AOX1: variants seen among roughly 807,000 people sequenced by gnomAD.
AOX1 encodes aldehyde oxidase 1, also known as aldehyde oxidase.
In AOX1, 153 loss-of-function variants were observed where a neutral mutation model predicts 169.5. That is an observed-to-expected ratio of 0.90 (90% confidence interval 0.79 to 1.03). The LOEUF is 1.03. Among genes scored for constraint, AOX1 ranks in the 50% least tolerant of loss-of-function variants. The probability of loss-of-function intolerance (pLI) is 0.00; values close to 1 mark genes in which losing one functional copy is unlikely to be tolerated. For synonymous variants in AOX1, 562 were observed against 581.9 expected, an observed-to-expected ratio of 0.97 and a Z score of 0.49; for missense variants, 1,656 against 1,663.9, an observed-to-expected ratio of 1.00 and a Z score of 0.08.
intron 27 of AOX1, 127 bp from the exon 28 acceptor site, chr2:200,659,038 T>G: frequency 1.3e-6 from 1 of 794,536 alleles, no homozygotes. Context: ...GCTGGAGGAA[T>G]TTGTGGTTCT....
intron 26 of AOX1, among the ~76,000 whole-genome samples, chr2:200,651,443 G>A (rs1161360608): frequency 2.6e-5 from 4 of 152,184 alleles, no homozygotes; most frequent in Non-Finnish European, 5.9e-5. Context: ...TTGGGAGACT[G>A]AGGTTTACTC....
rs778760266 is a variant in AOX1 at position 200,593,233 on chromosome 2, G to A, written c.103+30G>A. On this transcript the variant is annotated intron_variant, in intron 2 of 34. Transcript: ENST00000374700. ...CCTTTTCTTTACTTTGACTGTGTAT[G>A]TGTGTGTGTATTTGTATAACTCCAA... 12 of 1,540,520 alleles carry A rather than the reference G, an allele frequency of 7.8e-6. No homozygotes were observed. The South Asian group carries it at 1.2e-4, about 16-fold the overall frequency.
Position 200,623,497 on chromosome 2 carries a change from G to A in AOX1, c.2002-364G>A, listed in dbSNP as rs568903914. ...TGTGACTTCCTGGTCCTCCCTGTCC[G>A]TGCAGGCAGAGGCTGCCTCTCTCAG... On this transcript the variant is annotated intron_variant, in intron 18 of 34. Coordinates refer to ENST00000374700, the MANE Select transcript of AOX1 (RefSeq NM_001159.4). 7.9e-5 allele frequency among the ~76,000 whole-genome samples: 12 copies of A among 152,316 alleles called. No homozygotes were observed. The East Asian group carries it at 1.2e-3, about 15-fold the overall frequency.
intron 20 of AOX1, among the ~76,000 whole-genome samples, chr2:200,632,480 A>T (rs1574938245): frequency 6.6e-6 from 1 of 152,110 alleles, no homozygotes; most frequent in South Asian, 2.1e-4. Flanking sequence ...TTTATTCTAC[A>T]TACATTGATA....
intron 24 of AOX1, 132 bp from the exon 25 acceptor site, chr2:200,642,478 C>A: frequency 1.7e-6 from 1 of 596,284 alleles, no homozygotes; most frequent in Non-Finnish European, 2.8e-6. Flanking sequence ...TAATTGGGGG[C>A]ATGGGAATAT....
intron 25 of AOX1, among the ~76,000 whole-genome samples, chr2:200,645,974 C>T (rs11677071): frequency 0.027 from 4,087 of 152,086 alleles, 83 homozygotes; most frequent in African/African-American, 0.037. Flanking sequence ...TCTTAATCTT[C>T]CTAACGGTCT....
downstream of AOX1, among the ~76,000 whole-genome samples, chr2:200,672,210 G>A (rs2036039828): frequency 6.6e-6 from 1 of 152,178 alleles, no homozygotes; most frequent in Admixed American, 6.5e-5. Context: ...AATGAGTGGT[G>A]ATAATTTTAC....
At chr2:200,614,827 A>G (rs2034718145) in intron 15 of AOX1, among the ~76,000 whole-genome samples, 1 of 152,188 alleles carries the variant, frequency 6.6e-6, no homozygotes. Context: ...TCACATTATT[A>G]AGAATGAAAA....
chr2:200,677,503 AC>A (rs1221424116), downstream of AOX1, among the ~76,000 whole-genome samples: 2 of 152,156 alleles, frequency 1.3e-5, no homozygotes, highest in African/African-American at 2.4e-5. Context: ...ACACACAAAC[AC>A]ATACGAATTA....
chr2:200,669,078 G>C (rs907636041), intron 33 of AOX1, among the ~76,000 whole-genome samples: 1 of 152,118 alleles, frequency 6.6e-6, no homozygotes, highest in African/African-American at 2.4e-5. Flanking sequence ...TCTGTATGTA[G>C]GTCATTTCCT....
intron 5 of AOX1, among the ~76,000 whole-genome samples, chr2:200,601,125 C>A (rs1355942706): frequency 1.1e-5 from 1 of 88,002 alleles, no homozygotes. Context: ...GGGGTTTTTT[C>A]CTTAGAAAAA....
rs143058314 is a variant in AOX1, at chr2:200,637,121, C to T, written c.2480+77C>T. 969 of 1,555,978 alleles carry T rather than the reference C, an allele frequency of 6.2e-4. 9 individuals are homozygous for T. In the South Asian group the frequency reaches 9.2e-3, roughly 15 times the overall value. On this transcript the variant is annotated intron_variant, in intron 22 of 34. Transcript: ENST00000374700. The stretch of plus-strand genomic sequence containing the variant: ...CACTGTCAGAATCAATGAGGAAGAA[C>T]CTGGGCCAAGATTATTTAATATCAC...
At chr2:200,592,171 A>G (rs1164124955) in intron 1 of AOX1, among the ~76,000 whole-genome samples, 1 of 152,226 alleles carries the variant, frequency 6.6e-6, no homozygotes, top group Non-Finnish European at 1.5e-5. Flanking sequence ...ACACACACAC[A>G]AACAGACACA....
In AOX1 at chr2:200,668,666, AATT is replaced by A. The variant is rs1559263897; in HGVS notation, c.3665_3667del (p.Tyr1222del). Reference sequence around the variant, plus strand: ...GGGACTTTATACAATAGAGGAACTGAATTATTCTCCCCAGGGCATTCTGCACAC... The same window carrying A: ...GGGACTTTATACAATAGAGGAACTGAATTCTCCCCAGGGCATTCTGCACAC... On this transcript the variant is annotated inframe_deletion, in exon 33 of 35. Transcript: ENST00000374700. 8.1e-6 allele frequency: 13 copies of A among 1,614,152 alleles called. No individual in the cohort carries two copies. The highest frequency in any genetic ancestry group is 1.0e-5 in the Non-Finnish European group (12 of 1,180,022).
At chr2:200,642,419 G>A (rs1227027971) in intron 24 of AOX1, among the ~76,000 whole-genome samples, 191 bp from the exon 25 acceptor site, 1 of 151,698 alleles carries the variant, frequency 6.6e-6, no homozygotes, top group Non-Finnish European at 1.5e-5. Flanking sequence ...GCTCTCAAAG[G>A]AAAAATTATT....
chr2:200,661,581 A>G lies in AOX1; in HGVS notation c.3378A>G (p.Ala1126=), dbSNP rs2035829600. The change falls in exon 30 of 35, where the codon GCA becomes GCG. Residue 1126 remains alanine, a splice_region_variant and synonymous_variant. Coordinates refer to ENST00000374700, the MANE Select transcript of AOX1 (RefSeq NM_001159.4). ...CATGCTATGCTCTTCCTTCACAGGC[A>G]CAGACTGCTTTTGATGAAAGCATTA... is the stretch of plus-strand genomic sequence containing the variant. The part of the protein sequence containing the change: ...KNPKGTWKDW[A]QTAFDESINL... The G allele has an allele frequency of 6.8e-6, 11 of 1,613,304 alleles. No homozygotes were observed. In the Admixed American group the frequency reaches 1.2e-4, roughly 17 times the overall value.
intron 26 of AOX1, among the ~76,000 whole-genome samples, chr2:200,651,753 A>G (rs372937737): frequency 1.8e-4 from 27 of 152,314 alleles, no homozygotes; most frequent in African/African-American, 6.3e-4. Context: ...GGGACTGGGA[A>G]TCTGCTCTTG....
chr2:200,673,993 G>C (rs772219571), downstream of AOX1, among the ~76,000 whole-genome samples: 2 of 152,316 alleles, frequency 1.3e-5, no homozygotes, highest in East Asian at 3.9e-4. Context: ...AACACAAGTC[G>C]TAAGATCAGG....
rs1053857967 is a variant in AOX1 at position 200,586,911 on chromosome 2, C to G, written c.45+758C>G. On this transcript the variant is annotated intron_variant, in intron 1 of 34. Coordinates refer to ENST00000374700, the MANE Select transcript of AOX1 (RefSeq NM_001159.4). ...ACCCCCCTTAATGTGAGCATCAACT[C>G]TGCTCACTCTTAATGTTCCAGTTTC... Among the ~76,000 whole-genome samples the G allele has an allele frequency of 2.0e-5, 3 of 152,144 alleles. No homozygotes were observed. The South Asian group carries it at 6.2e-4, about 32-fold the overall frequency.
Sources: allele counts gnomAD v4.1 joint callset (sites outside exome capture counted in the v4.1 genomes callset), GRCh38; gene constraint gnomAD v4.1.1; transcripts MANE v1.5; gene names NCBI Gene and HGNC (gene_info 2026-07-23, HGNC 2026-07-21).